Variants in GRID2 observed in about 807,000 individuals in gnomAD.
GRID2 encodes glutamate receptor ionotropic, delta-2.
Under a neutral mutation model 114.8 loss-of-function variants are expected in GRID2, and 33 were observed. The ratio of observed to expected loss-of-function variants is 0.29; its 90% CI spans 0.22 to 0.38. The LOEUF (loss-of-function observed/expected upper bound fraction) is 0.38. Ranked by LOEUF, GRID2 falls within the 10% of genes least tolerant of loss-of-function variation. GRID2 has a pLI of 1.00. For missense variants in GRID2, 1,184 were observed against 1,257.7 expected (o/e 0.94, Z 0.89); for synonymous variants, 505 against 449.9 (o/e 1.12, Z -1.55).
chr4:92,615,912 C>A (rs1729984859), intron 2 of GRID2, among the ~76,000 whole-genome samples: 1 of 151,536 alleles, frequency 6.6e-6, no homozygotes. Context: ...GTTGTTATTT[C>A]TACTCACTGT....
chr4:93,463,406 C>T (rs1041902732), intron 11 of GRID2, among the ~76,000 whole-genome samples: 14 of 152,030 alleles, frequency 9.2e-5, no homozygotes, highest in African/African-American at 3.1e-4. Context: ...AGCTTGATAC[C>T]GACTCCTCAT....
intron 14 of GRID2, among the ~76,000 whole-genome samples, chr4:93,728,379 A>G (rs1376371135): frequency 4.0e-5 from 6 of 151,888 alleles, no homozygotes; most frequent in African/African-American, 1.5e-4. Context: ...GTTCTTTTAT[A>G]TTTGCTGAGG....
At chr4:92,682,948 T>C (rs753214377) in intron 2 of GRID2, among the ~76,000 whole-genome samples, 28 of 152,110 alleles carry the variant, frequency 1.8e-4, no homozygotes, top group African/African-American at 6.0e-4. Context: ...AAAACTGATA[T>C]GAAAAATAAC....
At chr4:92,812,193 AT>A (rs761669392) in intron 2 of GRID2, among the ~76,000 whole-genome samples, 33 of 152,102 alleles carry the variant, frequency 2.2e-4, no homozygotes, top group Non-Finnish European at 4.4e-4. Flanking sequence ...GAATATCAGC[AT>A]TTTCCCAAGA....
At chr4:92,811,897 T>G (rs1431517526) in intron 2 of GRID2, among the ~76,000 whole-genome samples, 2 of 152,126 alleles carry the variant, frequency 1.3e-5, no homozygotes, top group Non-Finnish European at 2.9e-5. Flanking sequence ...ATTTTAAAGA[T>G]GTACTTATCT....
chr4:93,225,056 T>G (rs1263195528), intron 7 of GRID2, among the ~76,000 whole-genome samples: 1 of 152,076 alleles, frequency 6.6e-6, no homozygotes, highest in Non-Finnish European at 1.5e-5. Flanking sequence ...TGAAATTGTT[T>G]TGGTGCCTGT....
At chr4:93,467,800 G>A (rs1336081190) in intron 11 of GRID2, among the ~76,000 whole-genome samples, 1 of 152,104 alleles carries the variant, frequency 6.6e-6, no homozygotes, top group African/African-American at 2.4e-5. Flanking sequence ...ATTATCCTAT[G>A]ACAATGTTAA....
chr4:92,414,610 T>A (rs1029379407), intron 1 of GRID2, among the ~76,000 whole-genome samples: 13 of 152,082 alleles, frequency 8.5e-5, no homozygotes, highest in Non-Finnish European at 1.5e-4. Context: ...TCCTAGTAAA[T>A]GGTACAAAGG....
intron 1 of GRID2, among the ~76,000 whole-genome samples, chr4:92,316,034 T>A (rs1725963245): frequency 6.7e-6 from 1 of 149,182 alleles, no homozygotes; most frequent in Admixed American, 6.7e-5. Flanking sequence ...ACCCGTTCTG[T>A]TGTTCTGTTG....
intron 4 of GRID2, among the ~76,000 whole-genome samples, chr4:93,125,655 G>A (rs1012019924): frequency 6.6e-6 from 1 of 151,948 alleles, no homozygotes; most frequent in African/African-American, 2.4e-5. Context: ...TTCTTGTTTT[G>A]TTCCTTAATA....
intron 8 of GRID2, among the ~76,000 whole-genome samples, chr4:93,336,466 T>C (rs1426960239): frequency 1.3e-5 from 2 of 152,222 alleles, no homozygotes; most frequent in Admixed American, 6.5e-5. Flanking sequence ...CTAGGTTATT[T>C]AGGTTTTTTC....
At chr4:92,505,010 C>G (rs1039576802) in intron 1 of GRID2, among the ~76,000 whole-genome samples, 1 of 151,716 alleles carries the variant, frequency 6.6e-6, no homozygotes, top group Non-Finnish European at 1.5e-5. Flanking sequence ...TTAATTAAAC[C>G]GTCGAATCAT....
intron 2 of GRID2, among the ~76,000 whole-genome samples, chr4:92,977,405 A>G (rs1484603171): frequency 6.6e-6 from 1 of 152,340 alleles, no homozygotes; most frequent in East Asian, 1.9e-4. Context: ...GGGGACTTCA[A>G]GAAACAGAAG....
intron 2 of GRID2, among the ~76,000 whole-genome samples, chr4:92,771,633 G>T (rs1464375848): frequency 2.0e-5 from 3 of 152,124 alleles, no homozygotes; most frequent in African/African-American, 4.8e-5. Flanking sequence ...TAAGTTTTAT[G>T]CAACTTTATT....
At chr4:93,303,815 T>C (rs575445324) in intron 8 of GRID2, among the ~76,000 whole-genome samples, 1 of 152,276 alleles carries the variant, frequency 6.6e-6, no homozygotes, top group African/African-American at 2.4e-5. Context: ...TCATACATCT[T>C]ATGAGTTTCT....
At chr4:93,170,065 C>G (rs769765615) in intron 4 of GRID2, among the ~76,000 whole-genome samples, 9 of 152,060 alleles carry the variant, frequency 5.9e-5, no homozygotes, top group Non-Finnish European at 1.3e-4. Context: ...TCAAGTAAAA[C>G]AAACTTCACA....
At position 93,220,127 on chromosome 4, in the gene GRID2, G is replaced by C. The variant is rs553496587; in HGVS notation, c.963+3216G>C. The stretch of plus-strand genomic sequence containing the variant: ...TCTCATGGAGTTTAGCATATTAAAT[G>C]TTACTATGTAGATAAACTGTAGAAT... On this transcript the variant is annotated intron_variant, in intron 6 of 15. Transcript: ENST00000282020. Among the ~76,000 whole-genome samples, 276 of 152,220 alleles carry C rather than the reference G, an allele frequency of 1.8e-3. 2 individuals are homozygous for C. In the South Asian group the frequency reaches 0.027, roughly 15 times the overall value.
intron 6 of GRID2, among the ~76,000 whole-genome samples, chr4:93,219,560 C>G (rs1744637448): frequency 6.6e-6 from 1 of 152,018 alleles, no homozygotes; most frequent in Non-Finnish European, 1.5e-5. Context: ...AGACTGTTAC[C>G]TATTTTAATA....
intron 1 of GRID2, among the ~76,000 whole-genome samples, chr4:92,384,632 A>ATATATAT (rs1486217238): frequency 1.1e-5 from 1 of 91,192 alleles, no homozygotes; most frequent in African/African-American, 4.3e-5. Flanking sequence ...ATTATATATA[A>ATATATAT]TATATATTAT....
Sources: gnomAD v4.1 joint callset for allele counts (sites outside exome capture counted in the v4.1 genomes callset) on GRCh38, gnomAD v4.1.1 for gene constraint, MANE v1.5 for transcripts, NCBI Gene and HGNC (gene_info 2026-07-23, HGNC 2026-07-21) for gene names.